Variants in ZPBP observed in about 807,000 individuals in gnomAD.
ZPBP encodes zona pellucida binding protein, also known as zona pellucida-binding protein 1.
A neutral mutation model predicts 44.8 loss-of-function variants in ZPBP; 26 were observed. The observed-to-expected ratio is 0.58, with a 90% CI of 0.43 to 0.81. ZPBP has a LOEUF of 0.81. ZPBP is among the 30% of genes least tolerant of loss of function. ZPBP has a pLI of 0.00. For missense variants in ZPBP, 409 were observed against 434.0 expected (o/e 0.94, Z 0.51); for synonymous variants, 174 against 153.2 (o/e 1.14, Z -1.00).
chr7:49,878,648 T>C (rs1183035517), intron 2 of ZPBP, among the ~76,000 whole-genome samples: 1 of 152,142 alleles, frequency 6.6e-6, no homozygotes, highest in African/African-American at 2.4e-5. Context: ...TTAGTTTTTA[T>C]TTTTCCTCCT....
At chr7:49,871,762 T>A (rs1390403511) in intron 2 of ZPBP, among the ~76,000 whole-genome samples, 1 of 151,854 alleles carries the variant, frequency 6.6e-6, no homozygotes, top group East Asian at 1.9e-4. Context: ...GTTTTAAAAA[T>A]ATTGTCCTTG....
downstream of ZPBP, among the ~76,000 whole-genome samples, chr7:49,935,521 C>T (rs1330502171): frequency 1.3e-5 from 2 of 152,116 alleles, no homozygotes; most frequent in Admixed American, 1.3e-4. Context: ...GCCTCAGCCT[C>T]CTGAGTAGCT....
downstream of ZPBP, among the ~76,000 whole-genome samples, chr7:49,934,394 A>C (rs1483587450): frequency 6.6e-6 from 1 of 152,150 alleles, no homozygotes; most frequent in East Asian, 1.9e-4. Flanking sequence ...ATTGCTTCCA[A>C]GCTTGTGAAT....
chr7:50,033,678 G>GTTTGTTTATTTATTTATTTA lies in ZPBP; in HGVS notation c.488-2369_488-2368insTAAATAAATAAATAAACAAA, dbSNP rs143206693. Among the ~76,000 whole-genome samples, 1,225 of 148,806 alleles carry GTTTGTTTATTTATTTATTTA rather than the reference G, an allele frequency of 8.2e-3. 8 individuals carry two copies. Among genetic ancestry groups the GTTTGTTTATTTATTTATTTA allele is most frequent in the South Asian group, 0.018 (84 of 4,604 alleles). On this transcript the variant is annotated intron_variant, in intron 4 of 7. Coordinates refer to ENST00000046087, the MANE Select transcript of ZPBP (RefSeq NM_007009.3). ...AACGTCAATAATTATTCTTTCTACA[G>GTTTGTTTATTTATTTATTTA]TTTATTTATTTATTTATTTATTTAT...
downstream of ZPBP, among the ~76,000 whole-genome samples, chr7:49,845,589 T>C (rs901883465): frequency 1.3e-5 from 2 of 152,254 alleles, no homozygotes; most frequent in Non-Finnish European, 2.9e-5. Context: ...AGAATATTTG[T>C]GGCCAAGAGG....
chr7:50,089,292 A>T (rs1802826215), intron 2 of ZPBP, among the ~76,000 whole-genome samples: 1 of 152,128 alleles, frequency 6.6e-6, no homozygotes, highest in African/African-American at 2.4e-5. Context: ...TGACTACTGC[A>T]AATCTTTGAA....
chr7:49,882,437 A>G (rs1281546653), intron 2 of ZPBP, among the ~76,000 whole-genome samples: 3 of 152,166 alleles, frequency 2.0e-5, no homozygotes, highest in Non-Finnish European at 1.5e-5. Context: ...TATACATCCT[A>G]TATGGAATTT....
At chr7:49,964,990 G>A (rs1008910698) in intron 7 of ZPBP, among the ~76,000 whole-genome samples, 5 of 152,066 alleles carry the variant, frequency 3.3e-5, no homozygotes, top group Non-Finnish European at 5.9e-5. Flanking sequence ...AATAGTCCAT[G>A]CTCCCATCAG....
chr7:49,909,980 G>T (rs1458939463), intron 1 of ZPBP, among the ~76,000 whole-genome samples: 2 of 151,722 alleles, frequency 1.3e-5, no homozygotes, highest in African/African-American at 4.8e-5. Context: ...GTGGTGGTGT[G>T]CTCCTCTGAT....
intron 6 of ZPBP, among the ~76,000 whole-genome samples, chr7:49,995,882 C>T (rs775390469): frequency 2.6e-5 from 4 of 151,900 alleles, no homozygotes; most frequent in East Asian, 1.9e-4. Flanking sequence ...GGTTTGGGGG[C>T]GGGCAGTGAA....
chr7:50,009,339 C>T (rs9649732), intron 6 of ZPBP, among the ~76,000 whole-genome samples: 76,557 of 151,416 alleles, frequency 0.51, 20,203 homozygotes, highest in East Asian at 0.67. Context: ...CTGTGAGCAC[C>T]CCACCCAGAT....
chr7:49,991,901 A>G (rs1797591611), intron 6 of ZPBP, among the ~76,000 whole-genome samples: 3 of 152,030 alleles, frequency 2.0e-5, no homozygotes, highest in Admixed American at 2.0e-4. Context: ...AGAGGGTGGG[A>G]GAAAGGGAAG....
chr7:50,015,609 C>A (rs908189128), intron 6 of ZPBP, among the ~76,000 whole-genome samples: 1 of 151,910 alleles, frequency 6.6e-6, no homozygotes, highest in Non-Finnish European at 1.5e-5. Flanking sequence ...ACTATCAACA[C>A]AGTAAACAGA....
intron 2 of ZPBP, among the ~76,000 whole-genome samples, chr7:50,086,634 A>T (rs1471843253): frequency 6.6e-6 from 1 of 152,100 alleles, no homozygotes; most frequent in Non-Finnish European, 1.5e-5. Flanking sequence ...ACTTGAAGAT[A>T]GGTCAACATG....
downstream of ZPBP, among the ~76,000 whole-genome samples, chr7:49,848,936 C>T (rs1790067411): frequency 6.6e-6 from 1 of 152,216 alleles, no homozygotes; most frequent in Admixed American, 6.5e-5. Context: ...CTCTGTATCT[C>T]TTATATGATA....
chr7:50,041,867 C>G (rs1055065557), intron 4 of ZPBP, among the ~76,000 whole-genome samples: 1 of 152,072 alleles, frequency 6.6e-6, no homozygotes, highest in Admixed American at 6.5e-5. Context: ...TGGGTAATAA[C>G]AAACACCTCT....
chr7:49,926,809 G>A (rs571800783), intron 1 of ZPBP, among the ~76,000 whole-genome samples: 1 of 152,360 alleles, frequency 6.6e-6, no homozygotes, highest in South Asian at 2.1e-4. Flanking sequence ...AATAATGCAG[G>A]AGAGCAGGAA....
chr7:49,921,703 A>T (rs1180102658), intron 1 of ZPBP: 1 of 152,236 alleles, frequency 6.6e-6, no homozygotes, highest in African/African-American at 2.4e-5. Context: ...CATTTTGAAG[A>T]TTCTAATAAA....
chr7:50,085,425 C>T (rs979779916), intron 2 of ZPBP, among the ~76,000 whole-genome samples: 10 of 152,156 alleles, frequency 6.6e-5, no homozygotes, highest in Non-Finnish European at 1.5e-4. Flanking sequence ...AGTATTTTAA[C>T]GTGCCTGATT....
Sources: allele counts gnomAD v4.1 joint callset (sites outside exome capture counted in the v4.1 genomes callset), GRCh38; gene constraint gnomAD v4.1.1; transcripts MANE v1.5; gene names NCBI Gene and HGNC (gene_info 2026-07-23, HGNC 2026-07-21).